Variants in RNF212B observed in about 807,000 individuals in gnomAD.
RNF212B encodes ring finger protein 212B.
RNF212B carries 52 observed loss-of-function variants against 55.5 expected under a neutral mutation model. The observed-to-expected ratio is 0.94, with a 90% CI of 0.75 to 1.18. The LOEUF is 1.18. RNF212B is among the 50% of genes most tolerant of loss of function. The pLI is 0.00. For synonymous variants in RNF212B, 99 were observed against 121.4 expected (o/e 0.82, Z 1.21); for missense variants, 289 against 350.4 (o/e 0.82, Z 1.40).
rs551188286 is a variant in RNF212B at position 23,209,009 on chromosome 14, T to C, written c.-2+15608T>C. Among the ~76,000 whole-genome samples, 476 of 152,166 alleles carry C rather than the reference T, an allele frequency of 3.1e-3. 2 individuals are homozygous for C. Among genetic ancestry groups the C allele is most frequent in the East Asian group, 0.016 (85 of 5,166 alleles). On this transcript the variant is annotated intron_variant, in intron 2 of 15. Transcript: ENST00000399910. ...TCCTGACCTCGTGATCCGCCCGCCT[T>C]GGCCTCCCAGAGTGCTGGGATTACA...
chr14:23,272,795 A>C (rs1204435412), intron 14 of RNF212B, 28 bp from the exon 15 acceptor site: 2 of 1,491,724 alleles, frequency 1.3e-6, no homozygotes, highest in Admixed American at 3.9e-5. Context: ...ATAAACACCC[A>C]CATCTACCTT....
intron 2 of RNF212B, among the ~76,000 whole-genome samples, chr14:23,222,928 C>T (rs1223359926): frequency 6.6e-6 from 1 of 151,860 alleles, no homozygotes. Flanking sequence ...GTGGCACGCA[C>T]CTGTAATCCT....
In RNF212B at chr14:23,208,994, G is replaced by A. The variant is rs183830391; in HGVS notation, c.-2+15593G>A. On this transcript the variant is annotated intron_variant, in intron 2 of 15. Transcript: ENST00000399910. Reference sequence around the variant, plus strand: ...GGGATGGTCTCGATCTCCTGACCTCGTGATCCGCCCGCCTTGGCCTCCCAG... The same window carrying A: ...GGGATGGTCTCGATCTCCTGACCTCATGATCCGCCCGCCTTGGCCTCCCAG... 4.2e-3 allele frequency among the ~76,000 whole-genome samples: 639 copies of A among 152,016 alleles called. 3 individuals are homozygous for A. Among genetic ancestry groups the A allele is most frequent in the Non-Finnish European group, 7.0e-3 (474 of 67,950 alleles).
intron 2 of RNF212B, among the ~76,000 whole-genome samples, chr14:23,212,390 T>C (rs1284168090): frequency 6.6e-6 from 1 of 152,180 alleles, no homozygotes; most frequent in Non-Finnish European, 1.5e-5. Context: ...AAAGTGTTTT[T>C]ACTCACAGAC....
chr14:23,191,006 A>T (rs1464824645), intron 1 of RNF212B, among the ~76,000 whole-genome samples: 2 of 152,018 alleles, frequency 1.3e-5, no homozygotes, highest in African/African-American at 4.8e-5. Context: ...CATCATGCAC[A>T]TCCCTCTGCA....
chr14:23,222,606 G>C (rs1189616973), intron 2 of RNF212B, among the ~76,000 whole-genome samples: 1 of 152,128 alleles, frequency 6.6e-6, no homozygotes. Flanking sequence ...AGTAGAGGAG[G>C]AGGGAATACT....
intron 14 of RNF212B, among the ~76,000 whole-genome samples, chr14:23,272,139 C>G (rs1566445377): frequency 6.6e-6 from 1 of 152,048 alleles, no homozygotes; most frequent in African/African-American, 2.4e-5. Flanking sequence ...AAATGTGGGC[C>G]AGGCGTGGTG....
At chr14:23,240,467 A>G in intron 2 of RNF212B, 22 bp downstream of exon 2, 2 of 1,463,422 alleles carry the variant, frequency 1.4e-6, no homozygotes, top group Non-Finnish European at 1.9e-6. Context: ...AACTGTTTTC[A>G]GATTCAGGGA....
chr14:23,256,938 A>ACGT (rs779088265), intron 4 of RNF212B, among the ~76,000 whole-genome samples: 2 of 151,824 alleles, frequency 1.3e-5, no homozygotes, highest in Non-Finnish European at 2.9e-5. Context: ...GTGGATCACG[A>ACGT]GGTCAGGAGT....
intron 2 of RNF212B, among the ~76,000 whole-genome samples, chr14:23,207,173 C>T (rs1594875099): frequency 6.6e-6 from 1 of 152,214 alleles, no homozygotes. Context: ...AATGATCACA[C>T]AACATACGAT....
chr14:23,242,008 G>A (rs369539143), intron 2 of RNF212B, among the ~76,000 whole-genome samples: 2 of 148,594 alleles, frequency 1.3e-5, no homozygotes, highest in Middle Eastern at 3.6e-3. Flanking sequence ...TGTGAACCCC[G>A]GAGGCAGAGC....
intron 2 of RNF212B, among the ~76,000 whole-genome samples, chr14:23,199,645 C>G (rs562747596): frequency 1.3e-4 from 20 of 151,864 alleles, no homozygotes; most frequent in Admixed American, 6.6e-4. Context: ...AGGTAGGTCC[C>G]GAACGAAGAT....
intron 14 of RNF212B, among the ~76,000 whole-genome samples, chr14:23,271,538 C>T (rs1886086854): frequency 6.6e-6 from 1 of 151,434 alleles, no homozygotes. Flanking sequence ...CATATTTAGG[C>T]TCCTTTTTCA....
intron 2 of RNF212B, among the ~76,000 whole-genome samples, chr14:23,223,362 C>CT (rs35659718): frequency 0.17 from 24,187 of 146,512 alleles, 1,955 homozygotes; most frequent in Non-Finnish European, 0.18. Context: ...AAAGCCTTTC[C>CT]TTTTTTTTTT....
intron 2 of RNF212B, among the ~76,000 whole-genome samples, chr14:23,219,471 C>T (rs1469066065): frequency 7.3e-6 from 1 of 136,840 alleles, no homozygotes; most frequent in Non-Finnish European, 1.5e-5. Context: ...CCTTCTTCTC[C>T]TTCTAGTTTT....
chr14:23,251,439 C>T (rs1026130840), intron 4 of RNF212B, among the ~76,000 whole-genome samples: 3 of 152,208 alleles, frequency 2.0e-5, no homozygotes, highest in Non-Finnish European at 2.9e-5. Context: ...TCCTCCTGCT[C>T]CCACAAGCTT....
intron 4 of RNF212B, among the ~76,000 whole-genome samples, chr14:23,250,879 C>T (rs756963405): frequency 1.3e-5 from 2 of 152,090 alleles, no homozygotes; most frequent in African/African-American, 4.8e-5. Flanking sequence ...GATAAGAGAC[C>T]AATGGTTGCC....
intron 1 of RNF212B, among the ~76,000 whole-genome samples, chr14:23,238,501 G>A (rs551892003): frequency 6.6e-6 from 1 of 152,056 alleles, no homozygotes; most frequent in South Asian, 2.1e-4. Flanking sequence ...GCCAAGGAAG[G>A]AGGATCGTTT....
Position 23,268,976 on chromosome 14 carries a change from A to G in RNF212B, c.674+13A>G. ...GCCTATCTTATAGGTCAGTAACACTATGCTTCCTTTTTCTTGGGATGTGTT... is the reference window on the plus strand; with the variant it reads ...GCCTATCTTATAGGTCAGTAACACTGTGCTTCCTTTTTCTTGGGATGTGTT... On this transcript the variant is annotated intron_variant, in intron 12 of 14. Coordinates refer to ENST00000430154, the MANE Select transcript of RNF212B (RefSeq NM_001282322.3). 2 of 1,547,284 alleles carry G rather than the reference A, an allele frequency of 1.3e-6. No homozygotes were observed. Among genetic ancestry groups the G allele is most frequent in the Non-Finnish European group, 1.7e-6 (2 of 1,143,856 alleles).
Sources: allele counts gnomAD v4.1 joint callset (sites outside exome capture counted in the v4.1 genomes callset), GRCh38; gene constraint gnomAD v4.1.1; transcripts MANE v1.5; gene names NCBI Gene and HGNC (gene_info 2026-07-23, HGNC 2026-07-21).